BMPR1B: variants seen among roughly 807,000 people sequenced by gnomAD.
BMPR1B encodes the protein bone morphogenetic protein receptor type 1B.
BMPR1B carries 12 observed loss-of-function variants against 59.1 expected under a neutral mutation model. That is an observed-to-expected ratio of 0.20 (90% CI 0.13 to 0.33). BMPR1B has a LOEUF of 0.33. Ranked by LOEUF, BMPR1B falls within the 10% of genes least tolerant of loss-of-function variation. The pLI is 1.00. For missense variants in BMPR1B, 550 were observed against 610.9 expected (o/e 0.90, Z 1.05); for synonymous variants, 237 against 207.3 (o/e 1.14, Z -1.23).
chr4:94,959,251 A>T (rs1036353070), intron 2 of BMPR1B, among the ~76,000 whole-genome samples: 2 of 152,176 alleles, frequency 1.3e-5, no homozygotes, highest in African/African-American at 4.8e-5. Context: ...TGACTTGTGG[A>T]ATGAAATACC....
intron 12 of BMPR1B, among the ~76,000 whole-genome samples, chr4:95,153,819 G>T (rs1308439671): frequency 1.3e-5 from 2 of 152,090 alleles, no homozygotes; most frequent in Non-Finnish European, 2.9e-5. Flanking sequence ...CACTGCACTC[G>T]ACAGACCGAG....
chr4:94,969,738 G>A (rs919056930), intron 2 of BMPR1B, among the ~76,000 whole-genome samples: 3 of 152,082 alleles, frequency 2.0e-5, no homozygotes, highest in Non-Finnish European at 4.4e-5. Flanking sequence ...CCAGTAGAAG[G>A]TAGGCTTCAT....
chr4:94,999,519 G>T (rs6850046), intron 3 of BMPR1B, among the ~76,000 whole-genome samples: 36,206 of 151,846 alleles, frequency 0.24, 5,410 homozygotes, highest in African/African-American at 0.43. Flanking sequence ...AATGATATTG[G>T]TTAGCAAATA....
chr4:95,132,329 A>G (rs1327115878), intron 10 of BMPR1B, among the ~76,000 whole-genome samples: 12 of 152,194 alleles, frequency 7.9e-5, no homozygotes, highest in Admixed American at 7.9e-4. Context: ...AGACTCTGTA[A>G]TACATGGAGA....
rs141939800 is a variant in BMPR1B at position 94,867,301 on chromosome 4, A to G, written c.-182-8530A>G. ...AGGGGTCAACATGTTTGTGTGTTCC[A>G]TAGACACCTCAAACTCAATATATCC... On this transcript the variant is annotated intron_variant, in intron 1 of 12. Coordinates refer to ENST00000515059, the MANE Select transcript of BMPR1B (RefSeq NM_001203.3). Among the ~76,000 whole-genome samples, 355 of 152,312 alleles carry G rather than the reference A, an allele frequency of 2.3e-3. 3 individuals carry two copies. The highest frequency in any genetic ancestry group is 8.2e-3 in the African/African-American group (339 of 41,572).
chr4:94,981,005 A>ACGCGCGCGCG (rs34635740), intron 2 of BMPR1B, among the ~76,000 whole-genome samples: 167 of 122,794 alleles, frequency 1.4e-3, no homozygotes, highest in Non-Finnish European at 1.8e-3. Flanking sequence ...ACACACACAC[A>ACGCGCGCGCG]CACACACACA....
intron 2 of BMPR1B, among the ~76,000 whole-genome samples, chr4:94,981,363 T>C (rs1430440931): frequency 6.6e-5 from 10 of 152,160 alleles, no homozygotes; most frequent in Admixed American, 3.9e-4. Context: ...TGAGCCACCA[T>C]GCCCAGCAAA....
At chr4:94,903,702 G>C (rs1218617223) in intron 2 of BMPR1B, among the ~76,000 whole-genome samples, 3 of 151,912 alleles carry the variant, frequency 2.0e-5, no homozygotes, top group Non-Finnish European at 4.4e-5. Flanking sequence ...AGGTGATTGG[G>C]TTTAAATGAA....
chr4:95,108,164 A>C (rs1445930335), intron 4 of BMPR1B, among the ~76,000 whole-genome samples: 1 of 152,092 alleles, frequency 6.6e-6, no homozygotes, highest in Non-Finnish European at 1.5e-5. Flanking sequence ...CAACAGACAT[A>C]AATTTGTTCC....
At chr4:95,130,367 G>A (rs1171100450) in intron 9 of BMPR1B, among the ~76,000 whole-genome samples, 1 of 152,100 alleles carries the variant, frequency 6.6e-6, no homozygotes, top group East Asian at 1.9e-4. Context: ...ACTTATTTTT[G>A]TTTAAATGTT....
chr4:94,857,860 A>G (rs1725822399), intron 1 of BMPR1B, among the ~76,000 whole-genome samples: 2 of 152,266 alleles, frequency 1.3e-5, no homozygotes, highest in Admixed American at 1.3e-4. Context: ...TTAGAAAACA[A>G]TGTGTTAATG....
rs28879759 is a variant in BMPR1B, at chr4:94,839,900, G to A, written c.-182-35931G>A. The stretch of plus-strand genomic sequence containing the variant: ...GCATGATTTTGCAGTGGCTGGTACC[G>A]GTTGTTCCTTTCCATGTTTAGTGCT... On this transcript the variant is annotated intron_variant, in intron 1 of 12. Coordinates refer to ENST00000515059, the MANE Select transcript of BMPR1B (RefSeq NM_001203.3). Among the ~76,000 whole-genome samples, 1,192 of 151,714 alleles carry A rather than the reference G, an allele frequency of 7.9e-3. 17 individuals are homozygous for A. The highest frequency in any genetic ancestry group is 0.026 in the African/African-American group (1,083 of 41,338).
intron 10 of BMPR1B, among the ~76,000 whole-genome samples, chr4:95,134,780 A>C (rs1733644593): frequency 6.6e-6 from 1 of 152,166 alleles, no homozygotes; most frequent in African/African-American, 2.4e-5. Flanking sequence ...TCAGATGAGT[A>C]GATTGCAAAG....
At chr4:94,845,441 C>T (rs552781503) in intron 1 of BMPR1B, among the ~76,000 whole-genome samples, 1 of 151,868 alleles carries the variant, frequency 6.6e-6, no homozygotes, top group Admixed American at 6.6e-5. Flanking sequence ...CTCCCGGGTT[C>T]ACGCCATTCT....
chr4:94,982,471 G>A (rs1037442243), intron 2 of BMPR1B, among the ~76,000 whole-genome samples: 1 of 152,140 alleles, frequency 6.6e-6, no homozygotes, highest in Non-Finnish European at 1.5e-5. Flanking sequence ...AACCTTGGCT[G>A]CATTATCAGA....
At chr4:95,085,064 G>A (rs1291683044) in intron 3 of BMPR1B, among the ~76,000 whole-genome samples, 1 of 152,128 alleles carries the variant, frequency 6.6e-6, no homozygotes, top group Non-Finnish European at 1.5e-5. Flanking sequence ...GGCATCTCAG[G>A]TTTTCCTCTC....
rs185554784 is a variant in BMPR1B, at chr4:94,803,621, G to A, written c.-183+45553G>A. The stretch of plus-strand genomic sequence containing the variant: ...TGTATAACTAATAAAATTTAGCTCG[G>A]CAGAGATGGGAAAGAGAGGATAAAG... On this transcript the variant is annotated intron_variant, in intron 1 of 12. Coordinates refer to ENST00000515059, the MANE Select transcript of BMPR1B (RefSeq NM_001203.3). Among the ~76,000 whole-genome samples the A allele has an allele frequency of 4.5e-3, 680 of 152,208 alleles. 5 individuals are homozygous for A. The highest frequency in any genetic ancestry group is 0.016 in the African/African-American group (649 of 41,522).
chr4:94,896,053 T>C (rs767510324), intron 2 of BMPR1B, among the ~76,000 whole-genome samples: 24 of 152,030 alleles, frequency 1.6e-4, no homozygotes, highest in Non-Finnish European at 3.2e-4. Context: ...AGTAAAACTT[T>C]CTACTTCTAC....
At chr4:94,978,377 A>G (rs920995135) in intron 2 of BMPR1B, among the ~76,000 whole-genome samples, 3 of 152,190 alleles carry the variant, frequency 2.0e-5, no homozygotes, top group African/African-American at 7.2e-5. Context: ...TGGAACAGTG[A>G]CAGGCTGAAT....
Sources: allele counts gnomAD v4.1 joint callset (sites outside exome capture counted in the v4.1 genomes callset), GRCh38; gene constraint gnomAD v4.1.1; transcripts MANE v1.5; gene names NCBI Gene and HGNC (gene_info 2026-07-23, HGNC 2026-07-21).